Variants in RBM10 observed in about 807,000 individuals in gnomAD.
RBM10 encodes the protein RNA-binding protein 10.
In RBM10, 1 loss-of-function variant was observed where a neutral mutation model predicts 84.9. That is an observed-to-expected ratio of 0.01 (90% CI 0.00 to 0.06). RBM10 has a LOEUF of 0.06. RBM10 is among the 10% of genes least tolerant of loss of function. The pLI, the probability that RBM10 is intolerant of heterozygous loss-of-function variation, is 1.00. For synonymous variants in RBM10, 326 were observed against 344.5 expected, an observed-to-expected ratio of 0.95 and a Z score of 0.60; for missense variants, 438 against 839.0, an observed-to-expected ratio of 0.52 and a Z score of 5.90.
intron 2 of RBM10, among the ~76,000 whole-genome samples, chrX:47,152,551 A>G (rs1242533445): frequency 9.8e-6 from 1 of 101,782 alleles, no homozygotes; most frequent in African/African-American, 3.7e-5. Flanking sequence ...TGTTCAAGCA[A>G]TTCTCCTGCC....
intron 2 of RBM10, among the ~76,000 whole-genome samples, chrX:47,154,126 A>G (rs1244645675): frequency 8.9e-6 from 1 of 111,896 alleles, no homozygotes; most frequent in East Asian, 2.8e-4. Flanking sequence ...TGCCAATTTT[A>G]GCATTTTATA....
intron 5 of RBM10, among the ~76,000 whole-genome samples, 187 bp from the exon 6 acceptor site, chrX:47,174,832 A>G (rs1366632381): frequency 1.9e-5 from 2 of 104,624 alleles, no homozygotes; most frequent in Non-Finnish European, 3.9e-5. Context: ...CCACCTGGCC[A>G]TCTACCTTGC....
chrX:47,179,683 G>T, intron 9 of RBM10, 188 bp downstream of exon 9: 1 of 763,807 alleles, frequency 1.3e-6, no homozygotes, highest in Non-Finnish European at 1.9e-6. Context: ...GTGTCGGGAA[G>T]GTTCTCAGCA....
chrX:47,172,272 C>T (rs189501138), intron 4 of RBM10, among the ~76,000 whole-genome samples: 1 of 112,327 alleles, frequency 8.9e-6, no homozygotes, highest in African/African-American at 3.2e-5. Flanking sequence ...TTTGCTGCTT[C>T]CTCAGCCTTC....
chrX:47,181,688 G>A lies in RBM10; in HGVS notation c.1575+42G>A, dbSNP rs782156956. 3 of 1,208,244 alleles carry A rather than the reference G, an allele frequency of 2.5e-6. No homozygotes were observed. In the Admixed American group the frequency reaches 6.5e-5, roughly 26 times the overall value. On this transcript the variant is annotated intron_variant, in intron 14 of 23. Coordinates refer to ENST00000377604, the MANE Select transcript of RBM10 (RefSeq NM_005676.5). ...GGTATGTATCCCGGGGAGGCAGGCAGGCGGCAGGGGTGGCATGGGCAGACA... is the reference window on the plus strand; with the variant it reads ...GGTATGTATCCCGGGGAGGCAGGCAAGCGGCAGGGGTGGCATGGGCAGACA...
chrX:47,166,406 G>A (rs781862581), intron 2 of RBM10, among the ~76,000 whole-genome samples: 24 of 111,536 alleles, frequency 2.2e-4, no homozygotes, highest in Non-Finnish European at 4.0e-4. Context: ...CTTGTCTCAA[G>A]TAAAATAAAA....
chrX:47,186,192 A>C, intron 22 of RBM10, 21 bp downstream of exon 22: 1 of 1,211,491 alleles, frequency 8.3e-7, no homozygotes, highest in Non-Finnish European at 1.1e-6. Context: ...GGGCCAGGTG[A>C]GGGGGTCTGG....
At chrX:47,186,429 A>T (rs2147227909) in intron 23 of RBM10, 42 bp downstream of exon 23, 1 of 1,200,118 alleles carries the variant, frequency 8.3e-7, no homozygotes, top group East Asian at 3.0e-5. Flanking sequence ...AGCACCCCTC[A>T]CAGCATCCCC....
At chrX:47,155,134 G>A (rs982307568) in intron 2 of RBM10, among the ~76,000 whole-genome samples, 28 of 91,021 alleles carry the variant, frequency 3.1e-4, no homozygotes, top group Non-Finnish European at 5.1e-4. Flanking sequence ...AGGACAGTGC[G>A]AGACTCCCTC....
intron 2 of RBM10, among the ~76,000 whole-genome samples, chrX:47,159,863 C>T (rs1190945728): frequency 4.5e-5 from 5 of 112,197 alleles, no homozygotes; most frequent in African/African-American, 9.7e-5. Flanking sequence ...GAAGGCCAGG[C>T]GCGGTGGCTC....
At chrX:47,147,166 T>C (rs142569976) in intron 1 of RBM10, among the ~76,000 whole-genome samples, 191 bp from the exon 2 acceptor site, 3 of 111,822 alleles carry the variant, frequency 2.7e-5, no homozygotes, top group African/African-American at 9.7e-5. Context: ...TCTAGCCTTA[T>C]GTTTGCGGGG....
intron 22 of RBM10, 42 bp downstream of exon 22, chrX:47,186,213 C>T (rs376369591): frequency 1.5e-5 from 18 of 1,209,566 alleles, no homozygotes; most frequent in African/African-American, 5.2e-5. Context: ...AGCCCGGGGC[C>T]GGGGCCGGCA....
At chrX:47,174,782 G>A (rs1340175946) in intron 5 of RBM10, among the ~76,000 whole-genome samples, 2 of 110,238 alleles carry the variant, frequency 1.8e-5, no homozygotes, top group African/African-American at 3.3e-5. Context: ...TCCCCCTACC[G>A]ACCTCTGGCC....
At chrX:47,178,113 C>A (rs1935271152) in intron 7 of RBM10, among the ~76,000 whole-genome samples, 1 of 111,216 alleles carries the variant, frequency 9.0e-6, no homozygotes, top group Admixed American at 9.6e-5. Context: ...CTCCCACGCC[C>A]TCACCTGGAA....
rs2147137186 is a variant in RBM10, at chrX:47,171,235, C to T, written c.409C>T (p.Pro137Ser). Residue 137 changes from proline (P) to serine (S), a missense_variant, in exon 4 of 24, where the codon CCA becomes TCA. Transcript: ENST00000377604. ...ASNIVMLRMLPQAATEDDIRG... is the reference protein window; with the variant it reads ...ASNIVMLRMLSQAATEDDIRG... ...TAACATCGTCATGCTGAGGATGCTGCCACAGGCAGCCACTGAGGATGACGT... is the reference window on the plus strand; with the variant it reads ...TAACATCGTCATGCTGAGGATGCTGTCACAGGCAGCCACTGAGGATGACGT... 8.3e-7 allele frequency: 1 copy of T among 1,210,026 alleles called. No individual in the cohort carries two copies. Among genetic ancestry groups the T allele is most frequent in the Non-Finnish European group, 1.1e-6 (1 of 895,086 alleles).
intron 7 of RBM10, among the ~76,000 whole-genome samples, chrX:47,177,814 G>A (rs1321464629): frequency 1.8e-5 from 2 of 110,847 alleles, no homozygotes; most frequent in East Asian, 2.8e-4. Context: ...ACAGGGTTTC[G>A]TCATGTTTGC....
intron 6 of RBM10, among the ~76,000 whole-genome samples, chrX:47,175,901 G>A (rs1935099089): frequency 9.0e-6 from 1 of 111,358 alleles, no homozygotes; most frequent in Non-Finnish European, 1.9e-5. Flanking sequence ...TTTCAGGGGA[G>A]GAAGGGGCAG....
Position 47,171,268 on chromosome X carries a change from C to T in RBM10, c.432+10C>T. ...AGCCACTGAGGATGACGTACGTGCC[C>T]CCCATGGCCCCGGGCAGGAGGCCAG... On this transcript the variant is annotated intron_variant, in intron 4 of 23. Transcript: ENST00000377604. 1 of 1,209,358 alleles carries T rather than the reference C, an allele frequency of 8.3e-7. No homozygotes were observed. Among genetic ancestry groups the T allele is most frequent in the South Asian group, 1.8e-5 (1 of 56,527 alleles).
chrX:47,148,928 T>G (rs1932532221), intron 2 of RBM10, among the ~76,000 whole-genome samples: 1 of 98,135 alleles, frequency 1.0e-5, no homozygotes, highest in Non-Finnish European at 2.1e-5. Context: ...TCATAGAAAA[T>G]GTATCCTTCT....
Sources: gnomAD v4.1 joint callset for allele counts (sites outside exome capture counted in the v4.1 genomes callset) on GRCh38, gnomAD v4.1.1 for gene constraint, MANE v1.5 for transcripts, NCBI Gene and HGNC (gene_info 2026-07-23, HGNC 2026-07-21) for gene names.